Variants in QSOX1 observed in about 807,000 individuals in gnomAD.
The protein encoded by QSOX1 is sulfhydryl oxidase 1.
Under a neutral mutation model 76.1 loss-of-function variants are expected in QSOX1, and 40 were observed. That is an observed-to-expected ratio of 0.53 (90% confidence interval 0.41 to 0.68). QSOX1 has a LOEUF of 0.68. QSOX1 is among the 30% of genes least tolerant of loss of function. QSOX1 has a pLI of 0.00. For synonymous variants in QSOX1, 392 were observed against 413.1 expected (o/e 0.95, Z 0.62); for missense variants, 931 against 974.3 (o/e 0.96, Z 0.59).
chr1:180,155,136 GC>G lies in QSOX1; in HGVS notation c.233del (p.Pro78ArgfsTer44). On this transcript the variant is annotated frameshift_variant, in exon 1 of 12. Transcript: ENST00000367602. LOFTEE classifies it high-confidence loss of function. ...CTGGTGCGGCCACTGCATCGCCTTCGCCCCGACGTGGAAGGCGCTGGCCGAA... is the reference window on the plus strand; with the variant it reads ...CTGGTGCGGCCACTGCATCGCCTTCGCCCGACGTGGAAGGCGCTGGCCGAA... ...ASWCGHCIAFAPTWKALAEDV... is the reference protein window; with the variant it reads ...ASWCGHCIAFXPTWKALAEDV... 1 of 1,520,536 alleles carries G rather than the reference GC, an allele frequency of 6.6e-7. No individual in the cohort carries two copies. 94.2% of individuals were successfully genotyped at this position (1,520,536 alleles called of 1,614,324 possible).
chr1:180,158,763 A>G (rs1228882232), intron 1 of QSOX1, among the ~76,000 whole-genome samples: 2 of 152,150 alleles, frequency 1.3e-5, no homozygotes, highest in Non-Finnish European at 2.9e-5. Flanking sequence ...GGTTTGGGTA[A>G]ATCTGTGCCT....
rs1663566805 is a variant in QSOX1 at position 180,198,688 on chromosome 1, C to CTCTG, written c.*1653_*1656dup. 4.0e-5 allele frequency: 13 copies of CTCTG among 326,404 alleles called. No individual in the cohort carries two copies. The highest frequency in any genetic ancestry group is 3.2e-4 in the South Asian group (13 of 41,064). The allele number at this position is 326,404 out of a possible 1,614,324, so 20.2% of individuals were successfully genotyped here. ...GCTGGGCTCCTGGGTTGGACTCCCT[C>CTCTG]TCTGTGCCCCTGCTCCAGGCACCCA... On this transcript the variant is annotated 3_prime_UTR_variant, in exon 12 of 12. Transcript: ENST00000367602.
rs773197994 is a variant in QSOX1 at position 180,194,336 on chromosome 1, A to G, written c.1412A>G (p.Asn471Ser). The G allele has an allele frequency of 1.2e-5, 19 of 1,605,744 alleles. No individual in the cohort carries two copies. The highest frequency in any genetic ancestry group is 1.5e-5 in the Non-Finnish European group (18 of 1,174,838). The part of the protein sequence containing the change: ...AASMHRVGSP[N>S]AAVLWLWSSH... ...TCCATGCACCGGGTGGGGAGTCCCA[A>G]CGCCGCTGTCCTCTGGCTCTGGTCT... Residue 471 changes from asparagine (N) to serine (S), a missense_variant, in exon 11 of 12, where the codon AAC becomes AGC. Coordinates refer to ENST00000367602, the MANE Select transcript of QSOX1 (RefSeq NM_002826.5).
At chr1:180,160,993 A>G (rs534929457) in intron 1 of QSOX1, among the ~76,000 whole-genome samples, 2 of 152,286 alleles carry the variant, frequency 1.3e-5, no homozygotes, top group Non-Finnish European at 2.9e-5. Context: ...CAAGGCTACA[A>G]TCTAATAACA....
Position 180,154,991 on chromosome 1 carries a change from C to T in QSOX1, c.84C>T (p.Asn28=), listed in dbSNP as rs1662338982. The change falls in exon 1 of 12, where the codon AAC becomes AAT. Residue 28 remains asparagine (N), a synonymous_variant. Coordinates refer to ENST00000367602, the MANE Select transcript of QSOX1 (RefSeq NM_002826.5). The part of the protein sequence containing the change: ...LLWLLAVPGA[N]AAPRSALYSP... ...GGCTGCTCGCGGTTCCCGGCGCTAA[C>T]GCGGCCCCGCGGTCGGCGCTCTATT... The T allele has an allele frequency of 1.3e-6, 2 of 1,509,388 alleles. No individual in the cohort carries two copies. Among genetic ancestry groups the T allele is most frequent in the African/African-American group, 1.4e-5 (1 of 69,370 alleles). 93.5% of individuals were successfully genotyped at this position (1,509,388 alleles called of 1,614,324 possible). A position where few individuals can be genotyped will look rare whatever the true frequency, so the allele number is the denominator to read the frequency against.
intron 6 of QSOX1, among the ~76,000 whole-genome samples, chr1:180,182,553 G>A (rs1399416706): frequency 2.6e-5 from 4 of 151,916 alleles, no homozygotes; most frequent in Non-Finnish European, 5.9e-5. Flanking sequence ...TCAGCCCCCC[G>A]CACCCAGTGT....
chr1:180,160,836 G>A (rs1662477928), intron 1 of QSOX1, among the ~76,000 whole-genome samples: 3 of 152,122 alleles, frequency 2.0e-5, no homozygotes, highest in Non-Finnish European at 4.4e-5. Context: ...TGTATATCAA[G>A]TTGTTCAGCT....
At chr1:180,176,390 A>C (rs899939726) in intron 4 of QSOX1, among the ~76,000 whole-genome samples, 5 of 152,216 alleles carry the variant, frequency 3.3e-5, no homozygotes, top group African/African-American at 7.2e-5. Flanking sequence ...ACGCAGCAGG[A>C]TTTCACATGC....
At chr1:180,168,098 C>T (rs966315641) in intron 2 of QSOX1, among the ~76,000 whole-genome samples, 13 of 152,246 alleles carry the variant, frequency 8.5e-5, no homozygotes, top group African/African-American at 3.1e-4. Flanking sequence ...GGGCCTGACA[C>T]CTGAGCTTTC....
chr1:180,179,666 G>A (rs572151429), intron 5 of QSOX1, among the ~76,000 whole-genome samples: 22 of 152,364 alleles, frequency 1.4e-4, no homozygotes, highest in Non-Finnish European at 2.4e-4. Flanking sequence ...ACGTGCCAGT[G>A]CACGGGAGAT....
intron 1 of QSOX1, among the ~76,000 whole-genome samples, chr1:180,162,307 T>C (rs181328165): frequency 6.6e-6 from 1 of 152,346 alleles, no homozygotes; most frequent in East Asian, 1.9e-4. Context: ...ACTAGTTTAG[T>C]ATCTCCCCTT....
chr1:180,193,393 A>G (rs1461814682), intron 10 of QSOX1, among the ~76,000 whole-genome samples: 2 of 151,252 alleles, frequency 1.3e-5, no homozygotes, highest in South Asian at 2.1e-4. Context: ...AGAGAGAGAG[A>G]GGCAGGTGTG....
intron 4 of QSOX1, among the ~76,000 whole-genome samples, chr1:180,177,023 A>G (rs1022206471): frequency 2.6e-5 from 4 of 152,126 alleles, no homozygotes; most frequent in African/African-American, 9.7e-5. Context: ...GGGACCCTGG[A>G]TACAGCATAG....
intron 2 of QSOX1, among the ~76,000 whole-genome samples, chr1:180,170,833 G>A (rs776219967): frequency 1.3e-5 from 2 of 152,242 alleles, no homozygotes; most frequent in African/African-American, 4.8e-5. Context: ...CTGAACAGAT[G>A]TCTATTGAGA....
Position 180,189,655 on chromosome 1 carries a change from C to T in QSOX1, c.1121C>T (p.Ala374Val). Residue 374 changes from alanine (A) to valine (V), a missense_variant, in exon 9 of 12, where the codon GCC becomes GTC. By Grantham distance (64) the Ala-to-Val change is moderately conservative (BLOSUM62 0). Coordinates refer to ENST00000367602, the MANE Select transcript of QSOX1 (RefSeq NM_002826.5). ...ATTCCCTACAGTTTCTTTAAAACTG[C>T]CCTGGACGACAGGAAAGAGGTGAGT... ...NKIPYSFFKT[A>V]LDDRKEGAVL... is the part of the protein sequence containing the mutation. 6.2e-7 allele frequency: 1 copy of T among 1,612,952 alleles called. No homozygotes were observed.
chr1:180,173,605 G>T (rs1028306236), intron 2 of QSOX1, among the ~76,000 whole-genome samples: 1 of 152,210 alleles, frequency 6.6e-6, no homozygotes, highest in Non-Finnish European at 1.5e-5. Context: ...TGCAGATGGG[G>T]AGAGACAGGT....
intron 4 of QSOX1, 91 bp from the exon 5 acceptor site, chr1:180,178,703 C>A: frequency 1.7e-6 from 2 of 1,161,168 alleles, no homozygotes; most frequent in Non-Finnish European, 1.3e-6. Context: ...GCCATACCTG[C>A]AGCACTGCAT....
intron 5 of QSOX1, 56 bp from the exon 6 acceptor site, chr1:180,182,118 G>C (rs1663052231): frequency 1.2e-6 from 2 of 1,600,506 alleles, no homozygotes; most frequent in Admixed American, 1.7e-5. Flanking sequence ...CTGGGACCCA[G>C]CCCTGGCTCC....
At chr1:180,192,245 G>A (rs1009159228) in intron 10 of QSOX1, among the ~76,000 whole-genome samples, 1 of 152,198 alleles carries the variant, frequency 6.6e-6, no homozygotes, top group African/African-American at 2.4e-5. Flanking sequence ...TGCTGTGGCC[G>A]GAGGGAGGGA....
Sources: allele counts gnomAD v4.1 joint callset (sites outside exome capture counted in the v4.1 genomes callset), GRCh38; gene constraint gnomAD v4.1.1; transcripts MANE v1.5; gene names NCBI Gene and HGNC (gene_info 2026-07-23, HGNC 2026-07-21).